The following XRCC1 variants were observed in gnomAD, a reference collection of about 807,000 sequenced individuals.
XRCC1 encodes the protein X-ray repair cross complementing 1.
XRCC1 carries 52 observed loss-of-function variants against 83.3 expected under a neutral mutation model. The ratio of observed to expected loss-of-function variants is 0.62; its 90% CI spans 0.50 to 0.79. XRCC1 has a LOEUF of 0.79. Ranked by LOEUF, XRCC1 falls within the 30% of genes least tolerant of loss-of-function variation. The probability of loss-of-function intolerance (pLI) is 0.00; values close to 1 mark genes in which losing one functional copy is unlikely to be tolerated. For missense variants in XRCC1, 793 were observed against 823.5 expected, an observed-to-expected ratio of 0.96 and a Z score of 0.45; for synonymous variants, 281 against 312.6, an observed-to-expected ratio of 0.90 and a Z score of 1.07.
rs1325058397 is a variant in XRCC1, at chr19:43,553,812, G to T, written c.415-129C>A. 5 of 717,196 alleles carry T rather than the reference G, an allele frequency of 7.0e-6. No individual in the cohort carries two copies. In the East Asian group the frequency reaches 1.1e-4, roughly 15 times the overall value. The allele number at this position is 717,196 out of a possible 1,614,324, so 44.4% of individuals were successfully genotyped here. On this transcript the variant is annotated intron_variant, in intron 4 of 16. Transcript: ENST00000262887. ...CATGAACACCCATGTTGAAGGAGGG[G>T]CCCTGGCGATGGTGATGACAATTAT...
intron 3 of XRCC1, among the ~76,000 whole-genome samples, chr19:43,557,896 G>A (rs1325883337): frequency 6.6e-6 from 1 of 150,388 alleles, no homozygotes; most frequent in South Asian, 2.1e-4. Flanking sequence ...TGCCTTTGAT[G>A]TTTTTGAAGA....
Position 43,544,138 on chromosome 19 carries a change from A to C in XRCC1, c.1712+6T>G, listed in dbSNP as rs775738701. On this transcript the variant is annotated splice_donor_region_variant and intron_variant, in intron 15 of 16. Transcript: ENST00000262887. The stretch of plus-strand genomic sequence containing the variant: ...CCCTTCCCCACCCCAGTCCCTGGAG[A>C]CTCACCCATTGAAGGCTGTGACGTA... The C allele has an allele frequency of 1.9e-6, 3 of 1,600,678 alleles. No individual in the cohort carries two copies. Among genetic ancestry groups the C allele is most frequent in the African/African-American group, 1.3e-5 (1 of 74,126 alleles).
At chr19:43,557,380 C>G (rs1291446524) in intron 3 of XRCC1, among the ~76,000 whole-genome samples, 1 of 149,774 alleles carries the variant, frequency 6.7e-6, no homozygotes, top group African/African-American at 2.4e-5. Context: ...CTGACTTAGT[C>G]TCTTTTCTAA....
chr19:43,553,592 T>C lies in XRCC1; in HGVS notation c.489+17A>G, dbSNP rs1373138847. On this transcript the variant is annotated intron_variant, in intron 5 of 16. Transcript: ENST00000262887. ...GAGGCAGGGAGAAGGCCATGGGGAGTGACAGGTACAGCTTACCTGGGACGG... is the reference window on the plus strand; with the variant it reads ...GAGGCAGGGAGAAGGCCATGGGGAGCGACAGGTACAGCTTACCTGGGACGG... 1.9e-6 allele frequency: 3 copies of C among 1,606,870 alleles called. No individual in the cohort carries two copies. Among genetic ancestry groups the C allele is most frequent in the Non-Finnish European group, 2.6e-6 (3 of 1,175,868 alleles).
chr19:43,543,765 T>C, intron 15 of XRCC1, 78 bp from the exon 16 acceptor site: 2 of 1,375,164 alleles, frequency 1.5e-6, no homozygotes, highest in Admixed American at 1.7e-5. Flanking sequence ...CCACTCTCAA[T>C]GGCTGTCCCC....
At position 43,546,615 on chromosome 19, in the gene XRCC1, T is replaced by A; in HGVS notation, c.1406A>T (p.Asp469Val). 4 of 1,610,870 alleles carry A rather than the reference T, an allele frequency of 2.5e-6. No individual in the cohort carries two copies. Among genetic ancestry groups the A allele is most frequent in the Non-Finnish European group, 3.4e-6 (4 of 1,179,142 alleles). ...CTGACCTGACTGTACCCCCTCAATG[T>A]CTATATCTTCCTGGAGCACTGGTGA... Reference protein sequence around the residue: ...AASPVLQEDIDIEGVQSEGQD... With the variant: ...AASPVLQEDIVIEGVQSEGQD... Residue 469 changes from aspartate (D) to valine (V), a missense_variant, in exon 12 of 17, where the codon GAC becomes GTC. Coordinates refer to ENST00000262887, the MANE Select transcript of XRCC1 (RefSeq NM_006297.3).
chr19:43,545,676 G>T, intron 14 of XRCC1, 142 bp downstream of exon 14: 1 of 1,083,158 alleles, frequency 9.2e-7, no homozygotes, highest in Non-Finnish European at 1.3e-6. Context: ...ACCTGAAGGT[G>T]CTGAGGCAGG....
At chr19:43,555,086 C>T (rs1972622332) in intron 3 of XRCC1, 2 of 276,950 alleles carry the variant, frequency 7.2e-6, no homozygotes, top group Non-Finnish European at 1.3e-5. Flanking sequence ...GGCTACATGT[C>T]CTAAGGAACT....
At chr19:43,546,190 C>A in intron 12 of XRCC1, 84 bp from the exon 13 acceptor site, 2 of 1,491,690 alleles carry the variant, frequency 1.3e-6, no homozygotes, top group East Asian at 2.3e-5. Flanking sequence ...CAGACCCAGG[C>A]ATCTCATGCC....
chr19:43,559,477 C>T (rs1972674833), intron 3 of XRCC1, among the ~76,000 whole-genome samples: 1 of 46,878 alleles, frequency 2.1e-5, no homozygotes, highest in Admixed American at 4.0e-4. Flanking sequence ...GAGACTCCAT[C>T]TCAAAAAAAA....
At chr19:43,571,810 C>T (rs1326959740) in intron 2 of XRCC1, among the ~76,000 whole-genome samples, 1 of 152,202 alleles carries the variant, frequency 6.6e-6, no homozygotes, top group Non-Finnish European at 1.5e-5. Flanking sequence ...TTTTTGTCTT[C>T]TGCTGTGTAC....
intron 2 of XRCC1, among the ~76,000 whole-genome samples, chr19:43,569,041 G>A (rs977474047): frequency 6.6e-6 from 1 of 151,062 alleles, no homozygotes; most frequent in Non-Finnish European, 1.5e-5. Flanking sequence ...CTACTCAGGA[G>A]GCCAAGTTGG....
intron 9 of XRCC1, 105 bp downstream of exon 9, chr19:43,551,912 G>A: frequency 7.7e-7 from 1 of 1,302,224 alleles, no homozygotes. Context: ...GTGAGAGAGA[G>A]AGAAAGCATG....
At chr19:43,554,131 G>A (rs1972611394) in intron 4 of XRCC1, among the ~76,000 whole-genome samples, 1 of 152,132 alleles carries the variant, frequency 6.6e-6, no homozygotes, top group Non-Finnish European at 1.5e-5. Flanking sequence ...ACACTCCCCA[G>A]GACAGTTACC....
In XRCC1 at chr19:43,552,904, T is replaced by C. The variant is rs368965282; in HGVS notation, c.716A>G (p.Gln239Arg). 14 of 1,613,130 alleles carry C rather than the reference T, an allele frequency of 8.7e-6. No homozygotes were observed. The African/African-American group carries it at 1.1e-4, about 12-fold the overall frequency. Residue 239 changes from glutamine (Q) to arginine (R), a missense_variant, in exon 8 of 17, where the codon CAG becomes CGG. Gln to Arg is a conservative substitution (Grantham distance 43). Transcript: ENST00000262887. ...CTTCCTCTTCCCTTTGGGAGACTCC[T>C]GGGGCTGAGGGGATGGGGATGGATT... ...SRAIGSTSKP[Q>R]ESPKGKRKLD...
chr19:43,544,842 C>CGG (rs10664658), intron 14 of XRCC1, among the ~76,000 whole-genome samples: 34 of 150,430 alleles, frequency 2.3e-4, no homozygotes, highest in South Asian at 8.5e-4. Flanking sequence ...AGGCGGGGGT[C>CGG]GGGGGGGGTC....
chr19:43,568,219 G>A (rs554902224), intron 2 of XRCC1, among the ~76,000 whole-genome samples: 2 of 151,926 alleles, frequency 1.3e-5, no homozygotes, highest in African/African-American at 2.4e-5. Flanking sequence ...GGTAGGCTGC[G>A]CACGGCGTGG....
intron 2 of XRCC1, among the ~76,000 whole-genome samples, chr19:43,561,889 A>G (rs1456582499): frequency 6.6e-6 from 1 of 152,158 alleles, no homozygotes; most frequent in East Asian, 1.9e-4. Context: ...GGCCAGGTGC[A>G]GTGGCTCAAG....
chr19:43,563,461 C>A (rs908160840), intron 2 of XRCC1, among the ~76,000 whole-genome samples: 1 of 152,276 alleles, frequency 6.6e-6, no homozygotes, highest in Non-Finnish European at 1.5e-5. Flanking sequence ...CCACTGCACT[C>A]CAGCTTGGGC....
Sources: gnomAD v4.1 joint callset for allele counts (sites outside exome capture counted in the v4.1 genomes callset) on GRCh38, gnomAD v4.1.1 for gene constraint, MANE v1.5 for transcripts, NCBI Gene and HGNC (gene_info 2026-07-23, HGNC 2026-07-21) for gene names.